TRPC5: variants seen among roughly 807,000 people sequenced by gnomAD.
TRPC5 encodes transient receptor potential cation channel subfamily C member 5.
In TRPC5, 9 loss-of-function variants were observed where a neutral mutation model predicts 56.5. The ratio of observed to expected loss-of-function variants is 0.16; its 90% CI spans 0.10 to 0.28. TRPC5 has a LOEUF of 0.28. Ranked by LOEUF, TRPC5 falls within the 10% of genes least tolerant of loss-of-function variation. The probability of loss-of-function intolerance (pLI) is 1.00; values close to 1 mark genes in which losing one functional copy is unlikely to be tolerated. For missense variants in TRPC5, 469 were observed against 748.9 expected, an observed-to-expected ratio of 0.63 and a Z score of 4.36; for synonymous variants, 282 against 278.5, an observed-to-expected ratio of 1.01 and a Z score of -0.13.
chrX:111,973,329 T>C (rs1262360572), intron 1 of TRPC5, among the ~76,000 whole-genome samples: 2 of 112,094 alleles, frequency 1.8e-5, no homozygotes, highest in Non-Finnish European at 3.8e-5. Flanking sequence ...TTAAAAGGCT[T>C]AAAGTATTAC....
At chrX:111,872,370 G>A (rs2148593888) in intron 3 of TRPC5, among the ~76,000 whole-genome samples, 1 of 112,030 alleles carries the variant, frequency 8.9e-6, no homozygotes, top group East Asian at 2.8e-4. Context: ...TGGTGAGGTA[G>A]GGGAGGAATA....
chrX:111,885,556 T>A (rs6642505), intron 3 of TRPC5, among the ~76,000 whole-genome samples: 46,662 of 107,160 alleles, frequency 0.44, 9,153 homozygotes, highest in East Asian at 0.87. Context: ...TTTTTTTTTT[T>A]TAAAAAAAGA....
intron 1 of TRPC5, among the ~76,000 whole-genome samples, chrX:112,015,337 C>G (rs914444014): frequency 5.4e-5 from 6 of 111,649 alleles, no homozygotes; most frequent in African/African-American, 2.0e-4. Context: ...TTCCCCCTCT[C>G]AGAGTTTCTG....
intron 5 of TRPC5, among the ~76,000 whole-genome samples, 181 bp downstream of exon 5, chrX:111,852,117 C>A (rs1923102179): frequency 8.9e-6 from 1 of 112,423 alleles, no homozygotes; most frequent in South Asian, 3.7e-4. Flanking sequence ...TTTCCACTTT[C>A]TTTGCTTAGG....
chrX:111,810,642 C>G (rs1277680414), intron 7 of TRPC5, among the ~76,000 whole-genome samples: 1 of 111,507 alleles, frequency 9.0e-6, no homozygotes, highest in Admixed American at 9.5e-5. Flanking sequence ...AAAATGGAAA[C>G]AAAATATAAT....
chrX:111,981,865 T>A (rs1928090768), intron 1 of TRPC5, among the ~76,000 whole-genome samples: 1 of 112,198 alleles, frequency 8.9e-6, no homozygotes, highest in Non-Finnish European at 1.9e-5. Context: ...ATGGTTTGGC[T>A]CTGTGTGCCA....
At chrX:112,076,938 G>A (rs997381976) in intron 1 of TRPC5, among the ~76,000 whole-genome samples, 2 of 112,012 alleles carry the variant, frequency 1.8e-5, no homozygotes, top group African/African-American at 3.2e-5. Context: ...ATAATGCTAG[G>A]TGCCCCAATA....
chrX:111,980,384 G>A (rs946999722), intron 1 of TRPC5, among the ~76,000 whole-genome samples: 1 of 111,416 alleles, frequency 9.0e-6, no homozygotes, highest in African/African-American at 3.3e-5. Context: ...ATGTTCATTT[G>A]TGGTGATTTC....
At chrX:111,928,468 A>G (rs1926319441) in intron 2 of TRPC5, among the ~76,000 whole-genome samples, 1 of 112,216 alleles carries the variant, frequency 8.9e-6, no homozygotes, top group Non-Finnish European at 1.9e-5. Flanking sequence ...ACTCAAGAAC[A>G]ATGTCCCTAT....
At chrX:112,017,158 C>T (rs1225962535) in intron 1 of TRPC5, among the ~76,000 whole-genome samples, 2 of 111,265 alleles carry the variant, frequency 1.8e-5, no homozygotes, top group South Asian at 3.8e-4. Context: ...GGACTACAGG[C>T]GTGTGCCACC....
chrX:111,952,518 C>G, intron 1 of TRPC5, 77 bp from the exon 2 acceptor site: 1 of 992,043 alleles, frequency 1.0e-6, no homozygotes, highest in Non-Finnish European at 1.4e-6. Context: ...TGGAGGCAGC[C>G]CTGCTAAGGG....
intron 6 of TRPC5, among the ~76,000 whole-genome samples, chrX:111,837,324 G>A (rs1326475977): frequency 1.8e-5 from 2 of 111,388 alleles, no homozygotes; most frequent in Non-Finnish European, 3.8e-5. Flanking sequence ...CTGCTAGGAG[G>A]GCACAGTCAA....
At chrX:112,034,822 C>T (rs1929687151) in intron 1 of TRPC5, among the ~76,000 whole-genome samples, 1 of 106,829 alleles carries the variant, frequency 9.4e-6, no homozygotes, top group African/African-American at 3.4e-5. Flanking sequence ...AATGAAGTTG[C>T]TTTCACTTCT....
At chrX:111,804,587 C>G (rs1218125612) in intron 7 of TRPC5, among the ~76,000 whole-genome samples, 1 of 111,133 alleles carries the variant, frequency 9.0e-6, no homozygotes, top group Non-Finnish European at 1.9e-5. Context: ...ACGTAGGATT[C>G]CTAGGTATTT....
chrX:111,923,643 C>T (rs1168392756), intron 2 of TRPC5, among the ~76,000 whole-genome samples: 1 of 111,655 alleles, frequency 9.0e-6, no homozygotes, highest in Non-Finnish European at 1.9e-5. Context: ...AGGTAAAAGG[C>T]TCCAAGGTAG....
In TRPC5 at chrX:111,879,431, G is replaced by A. The variant is rs1924102001; in HGVS notation, c.901-25325C>T. On this transcript the variant is annotated intron_variant, in intron 3 of 10. Transcript: ENST00000262839. The stretch of plus-strand genomic sequence containing the variant: ...GTGGGTTAAGCTGAACTAGGAGTGA[G>A]AATAAGTAAAATCCCTGATCTCTCA... Among the ~76,000 whole-genome samples, 4 of 112,099 alleles carry A rather than the reference G, an allele frequency of 3.6e-5. No homozygotes were observed. In the South Asian group the frequency reaches 1.5e-3, roughly 42 times the overall value.
chrX:111,999,263 C>A (rs1928632674), intron 1 of TRPC5, among the ~76,000 whole-genome samples: 2 of 111,610 alleles, frequency 1.8e-5, no homozygotes, highest in African/African-American at 6.5e-5. Flanking sequence ...TCCACACACC[C>A]TAGTCCCCCC....
intron 2 of TRPC5, among the ~76,000 whole-genome samples, chrX:111,919,471 C>G (rs78367054): frequency 0.17 from 19,143 of 111,508 alleles, 1,984 homozygotes; most frequent in African/African-American, 0.39. Context: ...CAACGCAAAG[C>G]TCCACGGCTC....
intron 1 of TRPC5, among the ~76,000 whole-genome samples, chrX:111,964,709 A>C (rs1034730073): frequency 6.3e-5 from 7 of 111,869 alleles, no homozygotes; most frequent in Admixed American, 9.5e-5. Flanking sequence ...CCAGAATTTC[A>C]TATCCAGCCA....
Sources: gnomAD v4.1 joint callset for allele counts (sites outside exome capture counted in the v4.1 genomes callset) on GRCh38, gnomAD v4.1.1 for gene constraint, MANE v1.5 for transcripts, NCBI Gene and HGNC (gene_info 2026-07-23, HGNC 2026-07-21) for gene names.